Variants in CSNK1D observed in about 807,000 individuals in gnomAD.
CSNK1D encodes the protein casein kinase I isoform delta.
CSNK1D carries 16 observed loss-of-function variants against 46.6 expected under a neutral mutation model. That is an observed-to-expected ratio of 0.34 (90% CI 0.23 to 0.52). The LOEUF is 0.52. Among genes scored for constraint, CSNK1D ranks in the 20% least tolerant of loss-of-function variants. CSNK1D has a pLI of 0.95. For missense variants in CSNK1D, 398 were observed against 578.4 expected (o/e 0.69, Z 3.20); for synonymous variants, 276 against 228.2 (o/e 1.21, Z -1.89).
At chr17:82,241,246 C>T (rs2050738304), downstream of CSNK1D, among the ~76,000 whole-genome samples, 2 of 152,208 alleles carry the variant, frequency 1.3e-5, no homozygotes, top group South Asian at 4.1e-4. Flanking sequence ...TGTGCAAGGC[C>T]TGTGCCGGGG....
chr17:82,260,219 C>T (rs1362630101), intron 2 of CSNK1D, among the ~76,000 whole-genome samples: 1 of 145,110 alleles, frequency 6.9e-6, no homozygotes, highest in Non-Finnish European at 1.5e-5. Context: ...ACTGATGTGA[C>T]TGATGGTGTA....
In CSNK1D at chr17:82,249,419, G is replaced by C. The variant is rs372470700; in HGVS notation, c.1057+12C>G. 28 of 1,534,030 alleles carry C rather than the reference G, an allele frequency of 1.8e-5. 1 individual carries two copies. The highest frequency in any genetic ancestry group is 7.3e-5 in the East Asian group (3 of 40,892). On this transcript the variant is annotated intron_variant, in intron 7 of 8. Transcript: ENST00000314028. The surrounding 1 kb of genome is among the most constrained non-coding windows in gnomAD (Gnocchi z 6.7). ...AGAGCCAGCCCCAGAGCGCTGGGAGGGGGGCACTCACCCGTGTGTGAGGTA... is the reference window on the plus strand; with the variant it reads ...AGAGCCAGCCCCAGAGCGCTGGGAGCGGGGCACTCACCCGTGTGTGAGGTA...
chr17:82,249,030 G>T lies in CSNK1D; in HGVS notation c.1058-16C>A. ...GAGGTGTTAGCTGAGGACAGGGAGA[G>T]AAACGGAGTGGGCCGCCCCCGTCTG... On this transcript the variant is annotated splice_polypyrimidine_tract_variant and intron_variant, in intron 7 of 8. Transcript: ENST00000314028. The surrounding 1 kb of genome is among the most constrained non-coding windows in gnomAD (Gnocchi z 6.7). 6.4e-7 allele frequency: 1 copy of T among 1,552,164 alleles called. No individual in the cohort carries two copies. Among genetic ancestry groups the T allele is most frequent in the Non-Finnish European group, 8.7e-7 (1 of 1,147,440 alleles).
At chr17:82,260,995 C>T (rs1344988941) in intron 2 of CSNK1D, 1 of 155,014 alleles carries the variant, frequency 6.5e-6, no homozygotes, top group Non-Finnish European at 1.5e-5. Context: ...GCCTCAGCCT[C>T]CAGAGTAGCT....
intron 1 of CSNK1D, chr17:82,266,597 T>C (rs1372977774): frequency 6.5e-6 from 1 of 152,894 alleles, no homozygotes; most frequent in Non-Finnish European, 1.5e-5. Context: ...CCACCATCCC[T>C]CTCAGGTTCA....
intron 2 of CSNK1D, among the ~76,000 whole-genome samples, chr17:82,262,814 A>C (rs1006408702): frequency 3.3e-5 from 5 of 152,260 alleles, no homozygotes; most frequent in African/African-American, 1.2e-4. Flanking sequence ...AGTGAATTCA[A>C]GAACCACCAC....
intron 2 of CSNK1D, among the ~76,000 whole-genome samples, chr17:82,259,281 A>G (rs745847600): frequency 5.9e-5 from 9 of 152,224 alleles, no homozygotes; most frequent in Non-Finnish European, 1.3e-4. Flanking sequence ...AAATGAATTG[A>G]TTTTATATTT....
chr17:82,272,116 G>C (rs1409497240), intron 1 of CSNK1D: 1 of 152,334 alleles, frequency 6.6e-6, no homozygotes, highest in Non-Finnish European at 1.5e-5. Flanking sequence ...GGCCGAACTG[G>C]GCGGATCACT....
In CSNK1D at chr17:82,244,273, T is replaced by C; in HGVS notation, c.*508A>G. On this transcript the variant is annotated 3_prime_UTR_variant, in exon 9 of 9. Coordinates refer to ENST00000314028, the MANE Select transcript of CSNK1D (RefSeq NM_001893.6). ...CCCTGCCCGACTCCACCTCATACACTAACTCCAAGCCAGCCTGTCTCAGAA... is the reference window on the plus strand; with the variant it reads ...CCCTGCCCGACTCCACCTCATACACCAACTCCAAGCCAGCCTGTCTCAGAA... 2 of 1,104,690 alleles carry C rather than the reference T, an allele frequency of 1.8e-6. No homozygotes were observed. Among genetic ancestry groups the C allele is most frequent in the South Asian group, 4.7e-5 (2 of 42,750 alleles). The allele number at this position is 1,104,690 out of a possible 1,614,324, so 68.4% of individuals were successfully genotyped here.
Position 82,249,357 on chromosome 17 carries a change from T to G in CSNK1D, c.1057+74A>C. On this transcript the variant is annotated intron_variant, in intron 7 of 8. Transcript: ENST00000314028. The surrounding 1 kb of genome is among the most constrained non-coding windows in gnomAD (Gnocchi z 6.7). ...TTAGTGTCCACCACCAAGTACCCTG[T>G]TGTCCCCACCAACCCCAAGACACAA... 7.1e-7 allele frequency: 1 copy of G among 1,417,652 alleles called. No individual in the cohort carries two copies. The highest frequency in any genetic ancestry group is 9.6e-7 in the Non-Finnish European group (1 of 1,039,962). The allele number at this position is 1,417,652 out of a possible 1,614,324, so 87.8% of individuals were successfully genotyped here. A position where few individuals can be genotyped will look rare whatever the true frequency, so the allele number is the denominator to read the frequency against.
At chr17:82,263,813 C>T (rs1468884871) in intron 2 of CSNK1D, among the ~76,000 whole-genome samples, 3 of 152,230 alleles carry the variant, frequency 2.0e-5, no homozygotes, top group East Asian at 3.8e-4. Flanking sequence ...TCTATTGGCT[C>T]GTCACACCTT....
intron 8 of CSNK1D, chr17:82,246,323 C>G (rs1305894472): frequency 6.0e-6 from 8 of 1,334,588 alleles, no homozygotes; most frequent in South Asian, 3.0e-5. Context: ...AAACCTGATC[C>G]CAGCAGGATG....
chr17:82,255,811 G>T lies in CSNK1D; in HGVS notation c.188-234C>A, dbSNP rs1390811689. On this transcript the variant is annotated intron_variant, in intron 2 of 8. Transcript: ENST00000314028. This position sits in a 1 kb window ranked among gnomAD's most constrained non-coding sequence, Gnocchi z 5.9. ...GATGAGGGCCAAGCAGACAGGAGCTGTAAGGGGGACAAGGAGGGGATCGAA... is the reference window on the plus strand; with the variant it reads ...GATGAGGGCCAAGCAGACAGGAGCTTTAAGGGGGACAAGGAGGGGATCGAA... Among the ~76,000 whole-genome samples, 1 of 152,226 alleles carries T rather than the reference G, an allele frequency of 6.6e-6. No individual in the cohort carries two copies. The highest frequency in any genetic ancestry group is 1.9e-4 in the East Asian group (1 of 5,196).
chr17:82,249,221 CG>C lies in CSNK1D; in HGVS notation c.1058-208del. 1.3e-6 allele frequency: 1 copy of C among 764,426 alleles called. No individual in the cohort carries two copies. The highest frequency in any genetic ancestry group is 2.1e-6 in the Non-Finnish European group (1 of 483,210). 47.4% of individuals were successfully genotyped at this position (764,426 alleles called of 1,614,324 possible). On this transcript the variant is annotated intron_variant, in intron 7 of 8. Transcript: ENST00000314028. The surrounding 1 kb of genome is among the most constrained non-coding windows in gnomAD (Gnocchi z 6.7). Reference sequence around the variant, plus strand: ...GGTCAAGGGGCTCACAGGGGAGGAACGTGAGATGCGGGAGGAATCACGCACA... The same window carrying C: ...GGTCAAGGGGCTCACAGGGGAGGAACTGAGATGCGGGAGGAATCACGCACA...
intron 2 of CSNK1D, among the ~76,000 whole-genome samples, chr17:82,258,470 T>C (rs1432639481): frequency 1.3e-5 from 2 of 152,146 alleles, no homozygotes; most frequent in East Asian, 1.9e-4. Flanking sequence ...TTGAGCATCA[T>C]GTTAGCACTC....
At chr17:82,257,529 GAACAA>G (rs2051203380) in intron 2 of CSNK1D, among the ~76,000 whole-genome samples, 1 of 152,164 alleles carries the variant, frequency 6.6e-6, no homozygotes, top group Admixed American at 6.5e-5. Context: ...CTAAGGGAAA[GAACAA>G]AACACACACC....
At chr17:82,262,891 C>G (rs188927620) in intron 2 of CSNK1D, among the ~76,000 whole-genome samples, 124 of 152,346 alleles carry the variant, frequency 8.1e-4, no homozygotes, top group Middle Eastern at 3.4e-3. Flanking sequence ...TAGATCTTTA[C>G]AGTATCTGAC....
chr17:82,244,421 C>T lies in CSNK1D; in HGVS notation c.*360G>A. 8.1e-7 allele frequency: 1 copy of T among 1,233,206 alleles called. No homozygotes were observed. The allele number at this position is 1,233,206 out of a possible 1,614,324, so 76.4% of individuals were successfully genotyped here. A position where few individuals can be genotyped will look rare whatever the true frequency, so the allele number is the denominator to read the frequency against. ...GCAAAATGATACAAAACTGTCTTAA[C>T]CAAGTAGAAGATTGGTAGTTACAGT... On this transcript the variant is annotated 3_prime_UTR_variant, in exon 9 of 9. Coordinates refer to ENST00000314028, the MANE Select transcript of CSNK1D (RefSeq NM_001893.6).
Position 82,243,280 on chromosome 17 carries a change from C to T in CSNK1D, c.*1501G>A. On this transcript the variant is annotated 3_prime_UTR_variant, in exon 9 of 9. Coordinates refer to ENST00000314028, the MANE Select transcript of CSNK1D (RefSeq NM_001893.6). ...GGAGAAGGGAGAACCAAGGTGCACACCTTCGAAGCCCTAGAGTCCAAAGGG... is the reference window on the plus strand; with the variant it reads ...GGAGAAGGGAGAACCAAGGTGCACATCTTCGAAGCCCTAGAGTCCAAAGGG... The T allele has an allele frequency of 1.0e-6, 1 of 985,508 alleles. No homozygotes were observed. Among genetic ancestry groups the T allele is most frequent in the African/African-American group, 1.7e-5 (1 of 57,362 alleles). 61.0% of individuals were successfully genotyped at this position (985,508 alleles called of 1,614,324 possible).
Sources: gnomAD v4.1 joint callset for allele counts (sites outside exome capture counted in the v4.1 genomes callset) on GRCh38, gnomAD v4.1.1 for gene constraint, Gnocchi (gnomAD v3.1) non-coding constraint, MANE v1.5 for transcripts, NCBI Gene and HGNC (gene_info 2026-07-23, HGNC 2026-07-21) for gene names.